Variants in SKAP2 observed in about 807,000 individuals in gnomAD.
SKAP2 encodes the protein src kinase associated phosphoprotein 2.
In SKAP2, 28 loss-of-function variants were observed where a neutral mutation model predicts 54.9. The ratio of observed to expected loss-of-function variants is 0.51; its 90% CI spans 0.38 to 0.70. The LOEUF (loss-of-function observed/expected upper bound fraction) is 0.70, where lower values mean the gene tolerates loss of function less well. SKAP2 is among the 30% of genes least tolerant of loss of function. The pLI is 0.00. For missense variants in SKAP2, 356 were observed against 424.1 expected, an observed-to-expected ratio of 0.84 and a Z score of 1.41; for synonymous variants, 137 against 134.3, an observed-to-expected ratio of 1.02 and a Z score of -0.14.
chr7:26,677,121 T>C (rs1390663528), intron 11 of SKAP2, among the ~76,000 whole-genome samples: 2 of 152,208 alleles, frequency 1.3e-5, no homozygotes, highest in Non-Finnish European at 2.9e-5. Flanking sequence ...AGAGAAGTGA[T>C]GGCTCATGCC....
Position 26,690,343 on chromosome 7 carries a change from A to G in SKAP2, c.816T>C (p.Ala272=). The part of the protein sequence containing the change: ...EELPEEEEDS[A]PVKVEEQRKM... ...TCCTTTGTTCTTCCACTTTCACTGG[A>G]GCACTGTCCTCTTCTTCTTCTGTAA... Residue 272 remains alanine, a synonymous_variant, in exon 10 of 13, where the codon GCT becomes GCC. Coordinates refer to ENST00000345317, the MANE Select transcript of SKAP2 (RefSeq NM_003930.5). The G allele has an allele frequency of 6.2e-7, 1 of 1,611,084 alleles. No individual in the cohort carries two copies. Among genetic ancestry groups the G allele is most frequent in the Non-Finnish European group, 8.5e-7 (1 of 1,177,246 alleles).
At chr7:26,756,652 G>A (rs1351770019) in intron 4 of SKAP2, among the ~76,000 whole-genome samples, 2 of 152,160 alleles carry the variant, frequency 1.3e-5, no homozygotes, top group Non-Finnish European at 2.9e-5. Flanking sequence ...ACGTGCATGT[G>A]TCTTTATAGC....
At chr7:26,799,722 T>A (rs1294005169) in intron 4 of SKAP2, among the ~76,000 whole-genome samples, 2 of 152,152 alleles carry the variant, frequency 1.3e-5, no homozygotes, top group African/African-American at 4.8e-5. Context: ...CTAACAGATA[T>A]CTACAAAACA....
intron 4 of SKAP2, among the ~76,000 whole-genome samples, chr7:26,801,906 A>G (rs889763321): frequency 1.3e-5 from 2 of 152,210 alleles, no homozygotes; most frequent in African/African-American, 2.4e-5. Context: ...AAGAATCAAT[A>G]TTGTTACAAT....
intron 4 of SKAP2, among the ~76,000 whole-genome samples, chr7:26,794,547 TA>T (rs1248164462): frequency 6.6e-6 from 1 of 152,244 alleles, no homozygotes; most frequent in African/African-American, 2.4e-5. Flanking sequence ...AAATGCTATA[TA>T]AACTGCATGC....
chr7:26,857,853 T>C, intron 1 of SKAP2: 1 of 420,118 alleles, frequency 2.4e-6, no homozygotes. Flanking sequence ...TATTGTGCTC[T>C]AAATAGCCCT....
chr7:26,838,261 T>A (rs1321032967), intron 4 of SKAP2, among the ~76,000 whole-genome samples: 1 of 152,096 alleles, frequency 6.6e-6, no homozygotes, highest in Non-Finnish European at 1.5e-5. Context: ...ATTCAGCTCC[T>A]ACTATAAATC....
intron 6 of SKAP2, among the ~76,000 whole-genome samples, chr7:26,729,140 T>C (rs557316971): frequency 6.6e-6 from 1 of 152,220 alleles, no homozygotes; most frequent in Non-Finnish European, 1.5e-5. Context: ...GACTAGCAGA[T>C]TCATTTTAGC....
chr7:26,681,232 C>A (rs1786486188), intron 11 of SKAP2, among the ~76,000 whole-genome samples: 2 of 152,142 alleles, frequency 1.3e-5, no homozygotes, highest in Admixed American at 6.5e-5. Context: ...GGCAGATCAC[C>A]TGAGGTCAGG....
intron 4 of SKAP2, among the ~76,000 whole-genome samples, chr7:26,823,860 G>A (rs1034512435): frequency 3.3e-5 from 5 of 152,184 alleles, no homozygotes; most frequent in Non-Finnish European, 5.9e-5. Flanking sequence ...AAGGGATGAG[G>A]AGTTGCTTCT....
chr7:26,800,050 G>A (rs550819288), intron 4 of SKAP2, among the ~76,000 whole-genome samples: 1 of 152,262 alleles, frequency 6.6e-6, no homozygotes, highest in East Asian at 1.9e-4. Context: ...CATGAACCCA[G>A]GAGGTGGAGC....
intron 1 of SKAP2, among the ~76,000 whole-genome samples, chr7:26,863,180 A>T (rs546690904): frequency 6.6e-6 from 1 of 152,290 alleles, no homozygotes; most frequent in East Asian, 1.9e-4. Flanking sequence ...TTAATATTAC[A>T]CTACCATATT....
chr7:26,858,878 G>A (rs1479631923), intron 1 of SKAP2, among the ~76,000 whole-genome samples: 4 of 152,030 alleles, frequency 2.6e-5, no homozygotes. Context: ...CACCACCCCC[G>A]ACTATCAAAC....
At position 26,725,548 on chromosome 7, in the gene SKAP2, T is replaced by A. The variant is rs1388294383; in HGVS notation, c.676A>T (p.Ile226Phe). ...CCTCTCTCATCATAATCCTCAGGAA[T>A]AATATCAGATTCCATATCTATAAAA... The part of the protein sequence containing the change: ...FVLQDMESDI[I>F]PEDYDERGEL... The change falls in exon 9 of 13, where the codon ATT becomes TTT. Residue 226 changes from isoleucine to phenylalanine, a missense_variant. Coordinates refer to ENST00000345317, the MANE Select transcript of SKAP2 (RefSeq NM_003930.5). 11 of 1,603,884 alleles carry A rather than the reference T, an allele frequency of 6.9e-6. No homozygotes were observed. The highest frequency in any genetic ancestry group is 9.4e-6 in the Non-Finnish European group (11 of 1,175,516).
intron 4 of SKAP2, among the ~76,000 whole-genome samples, chr7:26,809,142 G>A (rs576075863): frequency 5.9e-5 from 9 of 152,264 alleles, no homozygotes; most frequent in South Asian, 2.1e-4. Flanking sequence ...GGCCGGGCGC[G>A]GTGGCTCACG....
Position 26,669,126 on chromosome 7 carries a change from G to T in SKAP2, c.*540C>A, listed in dbSNP as rs1190509094. On this transcript the variant is annotated 3_prime_UTR_variant, in exon 13 of 13. Coordinates refer to ENST00000345317, the MANE Select transcript of SKAP2 (RefSeq NM_003930.5). ...TGTACTTAATAGGAATTAAATGTGT[G>T]AAAATAAATAATAACAATAAAGTTA... 1 of 152,022 alleles carries T rather than the reference G, an allele frequency of 6.6e-6. No individual in the cohort carries two copies. Among genetic ancestry groups the T allele is most frequent in the African/African-American group, 2.4e-5 (1 of 41,374 alleles). 9.4% of individuals were successfully genotyped at this position (152,022 alleles called of 1,614,324 possible).
chr7:26,834,561 A>G (rs1784666123), intron 4 of SKAP2, among the ~76,000 whole-genome samples: 2 of 152,204 alleles, frequency 1.3e-5, no homozygotes, highest in Non-Finnish European at 2.9e-5. Flanking sequence ...AAAATACTAT[A>G]AACACCTCTA....
intron 6 of SKAP2, among the ~76,000 whole-genome samples, chr7:26,736,833 T>G (rs147052640): frequency 5.3e-4 from 81 of 151,954 alleles, no homozygotes; most frequent in African/African-American, 1.9e-3. Context: ...AATTCAAGAT[T>G]GCAGTAAGCT....
intron 1 of SKAP2, among the ~76,000 whole-genome samples, chr7:26,862,918 A>G (rs907243650): frequency 6.6e-6 from 1 of 152,090 alleles, no homozygotes; most frequent in African/African-American, 2.4e-5. Context: ...TGCGCTGGTT[A>G]TTACAATAAT....
Sources: gnomAD v4.1 joint callset for allele counts (sites outside exome capture counted in the v4.1 genomes callset) on GRCh38, gnomAD v4.1.1 for gene constraint, MANE v1.5 for transcripts, NCBI Gene and HGNC (gene_info 2026-07-23, HGNC 2026-07-21) for gene names.